RALGPS2: variants seen among roughly 807,000 people sequenced by gnomAD.
RALGPS2 encodes the protein ras-specific guanine nucleotide-releasing factor RalGPS2.
In RALGPS2, 43 loss-of-function variants were observed where a neutral mutation model predicts 86.8. That is an observed-to-expected ratio of 0.50 (90% CI 0.39 to 0.64). The LOEUF (loss-of-function observed/expected upper bound fraction) is 0.64. Among genes scored for constraint, RALGPS2 ranks in the 30% least tolerant of loss-of-function variants. The pLI is 0.00. For missense variants in RALGPS2, 536 were observed against 694.6 expected (o/e 0.77, Z 2.57); for synonymous variants, 243 against 231.3 (o/e 1.05, Z -0.46).
intron 1 of RALGPS2, among the ~76,000 whole-genome samples, chr1:178,754,228 AT>A (rs1208920629): frequency 1.3e-5 from 2 of 150,666 alleles, no homozygotes; most frequent in Non-Finnish European, 3.0e-5. Context: ...GTGTATATAT[AT>A]TTTATTATAT....
chr1:178,909,312 T>C (rs1660513796), intron 19 of RALGPS2, among the ~76,000 whole-genome samples: 1 of 152,230 alleles, frequency 6.6e-6, no homozygotes, highest in Admixed American at 6.5e-5. Flanking sequence ...ATTTTTTGGT[T>C]ACTGTAGTCT....
chr1:178,914,129 AAC>A (rs1014783917), intron 19 of RALGPS2, among the ~76,000 whole-genome samples: 12 of 152,134 alleles, frequency 7.9e-5, no homozygotes, highest in African/African-American at 2.9e-4. Flanking sequence ...TCCCATGGGA[AAC>A]ACAGCCCTGC....
At chr1:178,736,241 G>A (rs77188508) in intron 1 of RALGPS2, among the ~76,000 whole-genome samples, 5,229 of 146,516 alleles carry the variant, frequency 0.036, 156 homozygotes, top group East Asian at 0.093. Flanking sequence ...TCGGCTCACT[G>A]CAGCCTCCGC....
chr1:178,796,947 C>T (rs1224227182), intron 4 of RALGPS2, among the ~76,000 whole-genome samples: 1 of 152,106 alleles, frequency 6.6e-6, no homozygotes, highest in Non-Finnish European at 1.5e-5. Context: ...GAAGATTTCT[C>T]TTTACTACGT....
intron 8 of RALGPS2, among the ~76,000 whole-genome samples, chr1:178,872,158 C>T (rs1395485802): frequency 6.6e-6 from 1 of 152,194 alleles, no homozygotes; most frequent in Non-Finnish European, 1.5e-5. Flanking sequence ...CATACCTGTG[C>T]TTTCCCTTCC....
At chr1:178,916,207 C>T in intron 19 of RALGPS2, 123 bp from the exon 20 acceptor site, 1 of 732,738 alleles carries the variant, frequency 1.4e-6, no homozygotes. Flanking sequence ...CTCCTTATAT[C>T]AAGTTCCTTT....
At chr1:178,761,322 G>A (rs915834246) in intron 1 of RALGPS2, among the ~76,000 whole-genome samples, 2 of 151,870 alleles carry the variant, frequency 1.3e-5, no homozygotes, top group African/African-American at 4.8e-5. Context: ...CCAGCTATTC[G>A]GGAGGCTGAG....
chr1:178,770,684 C>T (rs925843300), intron 1 of RALGPS2, among the ~76,000 whole-genome samples: 4 of 151,806 alleles, frequency 2.6e-5, no homozygotes, highest in Non-Finnish European at 5.9e-5. Flanking sequence ...ACCATGTTGG[C>T]CAGGCTGGTC....
intron 1 of RALGPS2, among the ~76,000 whole-genome samples, chr1:178,773,574 C>T (rs1652912335): frequency 6.6e-6 from 1 of 152,110 alleles, no homozygotes; most frequent in Non-Finnish European, 1.5e-5. Context: ...CTCTGTTATA[C>T]TTCAACATTA....
chr1:178,759,041 GT>G (rs1652098922), intron 1 of RALGPS2, among the ~76,000 whole-genome samples: 1 of 151,924 alleles, frequency 6.6e-6, no homozygotes, highest in African/African-American at 2.4e-5. Flanking sequence ...TTTGTTGATT[GT>G]TTCCTTTGTT....
In RALGPS2 at chr1:178,893,941, G is replaced by A. The variant is rs750664852; in HGVS notation, c.1348G>A (p.Ala450Thr). Residue 450 changes from alanine to threonine, a missense_variant, in exon 16 of 20, where the codon GCA (alanine) becomes ACA (threonine). Around this residue, in one of 3 missense-constraint regions of RALGPS2, gnomAD observed 309 missense variants for 363.0 expected, o/e 0.85. Coordinates refer to ENST00000367635, the MANE Select transcript of RALGPS2 (RefSeq NM_152663.5). ...TAGTTCTGCAGAATCAGAAGATTTG[G>A]CAGTACATTTATATCCAGGAGCTGT... The part of the protein sequence containing the change: ...ASSSAESEDL[A>T]VHLYPGAVTI... The A allele has an allele frequency of 1.2e-6, 2 of 1,606,454 alleles. No individual in the cohort carries two copies. Among genetic ancestry groups the A allele is most frequent in the South Asian group, 2.2e-5 (2 of 90,402 alleles).
Position 178,902,092 on chromosome 1 carries a change from T to G in RALGPS2, c.1525-14T>G, listed in dbSNP as rs1269386947. The G allele has an allele frequency of 7.5e-6, 12 of 1,590,444 alleles. No homozygotes were observed. Among genetic ancestry groups the G allele is most frequent in the Non-Finnish European group, 9.5e-6 (11 of 1,159,894 alleles). On this transcript the variant is annotated splice_polypyrimidine_tract_variant and intron_variant, in intron 17 of 19. Coordinates refer to ENST00000367635, the MANE Select transcript of RALGPS2 (RefSeq NM_152663.5). ...AAATTTTCTGTTTCCGCTAATTATC[T>G]TTTTTTCTCTCAGTTCAAATCAACA...
chr1:178,764,267 C>T (rs1469657970), intron 1 of RALGPS2, among the ~76,000 whole-genome samples: 1 of 152,104 alleles, frequency 6.6e-6, no homozygotes, highest in Non-Finnish European at 1.5e-5. Flanking sequence ...TCTGTTTTGT[C>T]TGAAATTAGA....
intron 4 of RALGPS2, among the ~76,000 whole-genome samples, chr1:178,795,706 C>G (rs779736524): frequency 5.9e-5 from 9 of 152,172 alleles, no homozygotes; most frequent in Non-Finnish European, 1.0e-4. Flanking sequence ...GCCACCACAC[C>G]TGGACTGTAT....
chr1:178,737,540 C>A (rs1479472916), intron 1 of RALGPS2, among the ~76,000 whole-genome samples: 1 of 152,082 alleles, frequency 6.6e-6, no homozygotes, highest in South Asian at 2.1e-4. Flanking sequence ...GCCACCGCAC[C>A]TGGCCAGCGC....
In RALGPS2 at chr1:178,904,637, C is replaced by T. The variant is rs4478779; in HGVS notation, c.1631-2139C>T. On this transcript the variant is annotated intron_variant, in intron 18 of 19. Transcript: ENST00000367635. ...TTTCCCCACTTTATGTTTTTGTTTG[C>T]TTTGTTAAAGATCAGTTGGCTGTAT... Among the ~76,000 whole-genome samples, 1,595 of 152,156 alleles carry T rather than the reference C, an allele frequency of 0.01. 86 individuals are homozygous for T. In the East Asian group the frequency reaches 0.17, roughly 16 times the overall value.
At chr1:178,910,231 T>A (rs1416207246) in intron 19 of RALGPS2, among the ~76,000 whole-genome samples, 2 of 152,190 alleles carry the variant, frequency 1.3e-5, no homozygotes, top group African/African-American at 4.8e-5. Flanking sequence ...TTCCTCTTTC[T>A]ATTTGAATGC....
intron 8 of RALGPS2, among the ~76,000 whole-genome samples, chr1:178,843,643 T>TA (rs1656719401): frequency 7.2e-6 from 1 of 139,080 alleles, no homozygotes; most frequent in South Asian, 2.3e-4. Context: ...CCCTAAAACT[T>TA]AAAGTATAAT....
intron 2 of RALGPS2, among the ~76,000 whole-genome samples, chr1:178,779,686 C>T (rs990077319): frequency 3.3e-5 from 5 of 152,210 alleles, no homozygotes; most frequent in African/African-American, 9.6e-5. Flanking sequence ...AGGTTAATAG[C>T]ATCACATTTC....
Sources: gnomAD v4.1 joint callset for allele counts (sites outside exome capture counted in the v4.1 genomes callset) on GRCh38, gnomAD v4.1.1 for gene constraint, gnomAD v4.1.1 regional missense constraint, MANE v1.5 for transcripts, NCBI Gene and HGNC (gene_info 2026-07-23, HGNC 2026-07-21) for gene names.